The following SNTG1 variants were observed in gnomAD, a reference collection of about 807,000 sequenced individuals.
The protein encoded by SNTG1 is syntrophin gamma 1.
Under a neutral mutation model 74.7 loss-of-function variants are expected in SNTG1, and 39 were observed. The observed-to-expected ratio is 0.52, with a 90% confidence interval of 0.40 to 0.68. SNTG1 has a LOEUF of 0.68. SNTG1 is among the 30% of genes least tolerant of loss of function. The pLI is 0.00. For missense variants in SNTG1, 685 were observed against 609.5 expected, an observed-to-expected ratio of 1.12 and a Z score of -1.30; for synonymous variants, 254 against 217.1, an observed-to-expected ratio of 1.17 and a Z score of -1.49.
chr8:50,570,257 T>TTTTAA (rs2094540406), intron 12 of SNTG1, among the ~76,000 whole-genome samples: 1 of 137,390 alleles, frequency 7.3e-6, no homozygotes, highest in Non-Finnish European at 1.5e-5. Flanking sequence ...TTTTATTTTA[T>TTTTAA]TTTATTTTAT....
At chr8:50,157,304 A>G (rs1384046129) in intron 1 of SNTG1, among the ~76,000 whole-genome samples, 1 of 152,100 alleles carries the variant, frequency 6.6e-6, no homozygotes, top group Admixed American at 6.5e-5. Flanking sequence ...TGCTATAGAA[A>G]TGTTCTGTAT....
rs550307017 is a variant in SNTG1 at position 50,694,519 on chromosome 8, C to T, written c.1039-10081C>T. Among the ~76,000 whole-genome samples, 3 of 152,220 alleles carry T rather than the reference C, an allele frequency of 2.0e-5. No homozygotes were observed. In the South Asian group the frequency reaches 6.2e-4, roughly 32 times the overall value. ...ATTCTATCAAACATTTTAAAAAGAA[C>T]TGATGCCAATTTTCTACCAATTACT... On this transcript the variant is annotated intron_variant, in intron 15 of 18. Transcript: ENST00000642720.
intron 4 of SNTG1, among the ~76,000 whole-genome samples, chr8:50,437,715 T>C (rs2093318798): frequency 6.6e-6 from 1 of 152,194 alleles, no homozygotes; most frequent in Admixed American, 6.5e-5. Context: ...AAAAGATTGA[T>C]GTAATGGAGC....
intron 12 of SNTG1, among the ~76,000 whole-genome samples, chr8:50,580,416 G>C (rs2094602803): frequency 6.6e-6 from 1 of 152,178 alleles, no homozygotes; most frequent in Non-Finnish European, 1.5e-5. Context: ...GGAAGGGCAT[G>C]ATGGTGTTTT....
chr8:50,068,881 C>T (rs890897988), intron 1 of SNTG1, among the ~76,000 whole-genome samples: 20 of 152,310 alleles, frequency 1.3e-4, no homozygotes, highest in Admixed American at 3.9e-4. Context: ...TCTTCCTAAT[C>T]TATTCACAGT....
chr8:50,287,605 C>T (rs1196290983), intron 2 of SNTG1, among the ~76,000 whole-genome samples: 6 of 152,138 alleles, frequency 3.9e-5, no homozygotes. Context: ...CGGTTATCTC[C>T]TTTCTGCTTC....
intron 2 of SNTG1, among the ~76,000 whole-genome samples, chr8:50,235,316 A>G (rs1019651280): frequency 4.6e-5 from 7 of 152,184 alleles, no homozygotes; most frequent in African/African-American, 1.7e-4. Flanking sequence ...TGTGGAGGGC[A>G]TTATGTTAAG....
chr8:49,980,625 A>G (rs1812594618), intron 1 of SNTG1, among the ~76,000 whole-genome samples: 1 of 151,672 alleles, frequency 6.6e-6, no homozygotes, highest in Non-Finnish European at 1.5e-5. Context: ...CACTCGCAAG[A>G]ACAGTGTGTT....
intron 2 of SNTG1, among the ~76,000 whole-genome samples, chr8:50,189,478 G>A (rs1485530638): frequency 1.3e-5 from 2 of 152,098 alleles, no homozygotes; most frequent in Admixed American, 1.3e-4. Flanking sequence ...ACCACACTGT[G>A]CAAACCACTA....
intron 1 of SNTG1, among the ~76,000 whole-genome samples, chr8:50,061,312 T>C (rs144786983): frequency 1.2e-3 from 180 of 152,260 alleles, no homozygotes; most frequent in Non-Finnish European, 2.0e-3. Flanking sequence ...GAACATAAAG[T>C]TGTTTATAGT....
At chr8:50,572,052 A>G (rs2094551774) in intron 12 of SNTG1, among the ~76,000 whole-genome samples, 1 of 151,974 alleles carries the variant, frequency 6.6e-6, no homozygotes, top group Non-Finnish European at 1.5e-5. Flanking sequence ...TGGTAAAACT[A>G]TTTTCTTCAC....
intron 15 of SNTG1, among the ~76,000 whole-genome samples, chr8:50,675,458 T>G (rs1237742088): frequency 2.0e-5 from 3 of 152,046 alleles, no homozygotes; most frequent in Admixed American, 2.0e-4. Flanking sequence ...TTAAAGTCTG[T>G]TTTTTCAGAG....
intron 13 of SNTG1, among the ~76,000 whole-genome samples, chr8:50,639,433 G>A (rs746494447): frequency 1.3e-5 from 2 of 151,730 alleles, no homozygotes; most frequent in African/African-American, 2.4e-5. Context: ...CTATGAACTT[G>A]TTTAGGAGAA....
intron 1 of SNTG1, among the ~76,000 whole-genome samples, chr8:50,136,318 G>T (rs56041251): frequency 2.6e-5 from 4 of 152,040 alleles, no homozygotes; most frequent in Non-Finnish European, 5.9e-5. Context: ...TGAGTTCTTC[G>T]AGAAATTGCC....
At chr8:50,690,550 G>T (rs1339710660) in intron 15 of SNTG1, among the ~76,000 whole-genome samples, 1 of 152,156 alleles carries the variant, frequency 6.6e-6, no homozygotes, top group South Asian at 2.1e-4. Context: ...CCATGTAGTT[G>T]TGTGGTTTTG....
chr8:50,755,641 A>G (rs1014237470), intron 18 of SNTG1, among the ~76,000 whole-genome samples: 5 of 151,912 alleles, frequency 3.3e-5, no homozygotes, highest in African/African-American at 4.8e-5. Flanking sequence ...TTGCTAGATC[A>G]TATGGTAAAA....
chr8:50,041,488 C>T (rs558957325), intron 1 of SNTG1, among the ~76,000 whole-genome samples: 1 of 152,290 alleles, frequency 6.6e-6, no homozygotes, highest in South Asian at 2.1e-4. Context: ...CAACACTAAG[C>T]ATTGTATTCA....
At chr8:50,147,524 G>A in intron 1 of SNTG1, among the ~76,000 whole-genome samples, 1 of 152,280 alleles carries the variant, frequency 6.6e-6, no homozygotes, top group East Asian at 1.9e-4. Flanking sequence ...TGACAAATAA[G>A]TAATAAAATA....
At chr8:50,287,086 C>A (rs1332026793) in intron 2 of SNTG1, among the ~76,000 whole-genome samples, 1 of 152,102 alleles carries the variant, frequency 6.6e-6, no homozygotes, top group Non-Finnish European at 1.5e-5. Flanking sequence ...ATTTGCTTGT[C>A]TTTTTTCCTT....
Sources: allele counts gnomAD v4.1 joint callset (sites outside exome capture counted in the v4.1 genomes callset), GRCh38; gene constraint gnomAD v4.1.1; transcripts MANE v1.5; gene names NCBI Gene and HGNC (gene_info 2026-07-23, HGNC 2026-07-21).